Variants in TRIM37 observed in about 807,000 individuals in gnomAD.
TRIM37 encodes the protein tripartite motif containing 37.
In TRIM37, 80 loss-of-function variants were observed where a neutral mutation model predicts 129.8. That is an observed-to-expected ratio of 0.62 (90% CI 0.51 to 0.74). TRIM37 has a LOEUF of 0.74. Among genes scored for constraint, TRIM37 ranks in the 30% least tolerant of loss-of-function variants. The pLI is 0.00. For missense variants in TRIM37, 1,054 were observed against 1,176.5 expected (o/e 0.90, Z 1.52); for synonymous variants, 389 against 387.1 (o/e 1.00, Z -0.06).
chr17:59,009,734 C>T (rs559174396), intron 22 of TRIM37, among the ~76,000 whole-genome samples: 36 of 152,316 alleles, frequency 2.4e-4, no homozygotes, highest in African/African-American at 8.7e-4. Flanking sequence ...GCATGAGCCA[C>T]TGCGCCCGGC....
rs377599520 is a variant in TRIM37, at chr17:59,081,543, A to C, written c.370-324T>G. Among the ~76,000 whole-genome samples the C allele has an allele frequency of 6.6e-5, 10 of 152,288 alleles. No individual in the cohort carries two copies. The East Asian group carries it at 1.5e-3, about 23-fold the overall frequency. On this transcript the variant is annotated intron_variant, in intron 5 of 23. Transcript: ENST00000262294. The stretch of plus-strand genomic sequence containing the variant: ...TCAGTCAGTCACTCTTCTCTAAGGC[A>C]AACTAGTCTTCTTCCATGTCCTCAA...
chr17:58,985,110 GTTCA>G (rs1377652772), intron 24 of TRIM37: 2 of 152,580 alleles, frequency 1.3e-5, no homozygotes, highest in Non-Finnish European at 2.9e-5. Flanking sequence ...TATTAAAAGT[GTTCA>G]TTCAGGTAAG....
chr17:59,070,318 T>G (rs1208814180), intron 9 of TRIM37, among the ~76,000 whole-genome samples: 1 of 152,230 alleles, frequency 6.6e-6, no homozygotes, highest in African/African-American at 2.4e-5. Context: ...CACCTTCAAA[T>G]TCTTTTGGCA....
Position 58,998,636 on chromosome 17 carries a change from T to A in TRIM37, c.*741A>T. 7.1e-6 allele frequency: 7 copies of A among 985,312 alleles called. No homozygotes were observed. Among genetic ancestry groups the A allele is most frequent in the Non-Finnish European group, 8.4e-6 (7 of 829,860 alleles). 61.0% of individuals were successfully genotyped at this position (985,312 alleles called of 1,614,324 possible). ...CTTTAAAATATTTGTTGCACTACAG[T>A]CGTATAGTAAGAGGCAGAAAAAAAT... On this transcript the variant is annotated 3_prime_UTR_variant, in exon 24 of 24. Coordinates refer to ENST00000262294, the MANE Select transcript of TRIM37 (RefSeq NM_015294.6).
rs2033344506 is a variant in TRIM37, at chr17:58,999,147, T to C, written c.*230A>G. The C allele has an allele frequency of 7.4e-7, 1 of 1,360,322 alleles. No individual in the cohort carries two copies. The highest frequency in any genetic ancestry group is 3.0e-5 in the East Asian group (1 of 33,442). 84.3% of individuals were successfully genotyped at this position (1,360,322 alleles called of 1,614,324 possible). A position where few individuals can be genotyped will look rare whatever the true frequency, so the allele number is the denominator to read the frequency against. On this transcript the variant is annotated 3_prime_UTR_variant, in exon 24 of 24. Coordinates refer to ENST00000262294, the MANE Select transcript of TRIM37 (RefSeq NM_015294.6). ...GCTAAATTAATAGAGAACTACATTG[T>C]TATTTCCTTACATTACAAAGAACTC...
In TRIM37 at chr17:59,012,345, G is replaced by A. The variant is rs1156783831; in HGVS notation, c.2678C>T (p.Ser893Leu). 1.1e-5 allele frequency: 17 copies of A among 1,611,412 alleles called. No individual in the cohort carries two copies. Among genetic ancestry groups the A allele is most frequent in the Admixed American group, 1.7e-5 (1 of 59,942 alleles). The change falls in exon 22 of 24, where the codon TCA becomes TTA. Residue 893 changes from serine (S) to leucine (L), a missense_variant. Physicochemically the swap from Ser to Leu is moderately radical, Grantham distance 145. Around this residue, in one of 3 missense-constraint regions of TRIM37, gnomAD observed 287 missense variants for 274.3 expected, o/e 1.05. Transcript: ENST00000262294. ...TTCCTTACCTTCTTCAGGGGCAGCTGAAGCTCCTTCAGGTAGTACAGGCTG... is the reference window on the plus strand; with the variant it reads ...TTCCTTACCTTCTTCAGGGGCAGCTAAAGCTCCTTCAGGTAGTACAGGCTG... ...ELQPVLPEGA[S>L]AAPEEGMSSD...
At position 59,041,837 on chromosome 17, in the gene TRIM37, C is replaced by T. The variant is rs773914684; in HGVS notation, c.1729G>A (p.Asp577Asn). The T allele has an allele frequency of 3.2e-5, 52 of 1,613,806 alleles. No homozygotes were observed. Among genetic ancestry groups the T allele is most frequent in the Non-Finnish European group, 4.4e-5 (52 of 1,179,886 alleles). The change falls in exon 17 of 24, where the codon GAT becomes AAT. Residue 577 changes from aspartate (D) to asparagine (N), a missense_variant. Physicochemically the swap from Asp to Asn is conservative, Grantham distance 23. Around this residue, in one of 3 missense-constraint regions of TRIM37, gnomAD observed 752 missense variants for 870.8 expected, o/e 0.86. Transcript: ENST00000262294. Reference protein sequence around the residue: ...MELEEGELMEDAAAAGPAGSS... With the variant: ...MELEEGELMENAAAAGPAGSS... ...CCTGCGGGTCCTGCAGCAGCTGCAT[C>T]TTCCATGAGTTCTCCCTCTTCTAAT...
chr17:59,046,930 G>A (rs1490935877), intron 16 of TRIM37, among the ~76,000 whole-genome samples: 1 of 150,460 alleles, frequency 6.6e-6, no homozygotes, highest in Non-Finnish European at 1.5e-5. Context: ...CGAGGTGGAC[G>A]GATCATGAGG....
chr17:58,991,175 CAAAAAA>C (rs71145510), intron 24 of TRIM37, among the ~76,000 whole-genome samples: 3 of 83,668 alleles, frequency 3.6e-5, no homozygotes, highest in South Asian at 4.0e-4. Context: ...AACTCTGTCT[CAAAAAA>C]AAAAAAAAAA....
At chr17:59,053,347 CAA>C (rs1336390656) in intron 13 of TRIM37, among the ~76,000 whole-genome samples, 1 of 152,120 alleles carries the variant, frequency 6.6e-6, no homozygotes, top group Non-Finnish European at 1.5e-5. Flanking sequence ...AAAGTTTGAG[CAA>C]TGTCTCATTA....
intron 2 of TRIM37, among the ~76,000 whole-genome samples, chr17:59,095,253 G>A (rs759022897): frequency 1.3e-5 from 2 of 152,004 alleles, no homozygotes; most frequent in African/African-American, 2.4e-5. Context: ...AAGTTACTAG[G>A]AAGATGGTAT....
At chr17:58,997,951 G>A (rs55905437), downstream of TRIM37, among the ~76,000 whole-genome samples, 232 of 152,302 alleles carry the variant, frequency 1.5e-3, no homozygotes, top group African/African-American at 5.4e-3. Context: ...GCTTGGAAAC[G>A]AGGGGGAAAC....
chr17:59,075,277 G>A (rs867167011), intron 8 of TRIM37, among the ~76,000 whole-genome samples: 5 of 151,634 alleles, frequency 3.3e-5, no homozygotes, highest in African/African-American at 1.2e-4. Context: ...ATAATATACA[G>A]AGAAGGCCGG....
chr17:59,099,142 G>A (rs751698214), intron 2 of TRIM37, among the ~76,000 whole-genome samples: 4 of 151,946 alleles, frequency 2.6e-5, no homozygotes, highest in Middle Eastern at 3.2e-3. Flanking sequence ...GAGATCGCAC[G>A]ATTGCACTCC....
chr17:59,078,759 A>G (rs187209085), intron 7 of TRIM37, among the ~76,000 whole-genome samples: 8 of 152,314 alleles, frequency 5.3e-5, no homozygotes, highest in Non-Finnish European at 1.2e-4. Flanking sequence ...ATCAATACCT[A>G]CAGGTTTTGT....
chr17:59,064,118 A>AC (rs2041733523), intron 10 of TRIM37: 1 of 460,272 alleles, frequency 2.2e-6, no homozygotes, highest in Non-Finnish European at 3.9e-6. Context: ...ACAGAGCAAA[A>AC]CCCAGTCTCA....
intron 12 of TRIM37, among the ~76,000 whole-genome samples, chr17:59,058,299 G>A (rs762455208): frequency 2.0e-5 from 3 of 152,162 alleles, no homozygotes; most frequent in Admixed American, 6.5e-5. Flanking sequence ...CAAATACCAC[G>A]TGTTCTCACT....
chr17:59,015,588 T>A (rs2035822548), intron 21 of TRIM37, 22 bp downstream of exon 21: 1 of 1,612,062 alleles, frequency 6.2e-7, no homozygotes, highest in Admixed American at 1.7e-5. Context: ...TACCATTACA[T>A]ATACAAAACA....
chr17:58,999,860 A>T (rs776560791), intron 23 of TRIM37, among the ~76,000 whole-genome samples: 1 of 152,304 alleles, frequency 6.6e-6, no homozygotes, highest in East Asian at 1.9e-4. Context: ...CACTACAAAA[A>T]CCCACCAGCA....
Sources: allele counts gnomAD v4.1 joint callset (sites outside exome capture counted in the v4.1 genomes callset), GRCh38; gene constraint gnomAD v4.1.1; regional missense constraint gnomAD v4.1.1; transcripts MANE v1.5; gene names NCBI Gene and HGNC (gene_info 2026-07-23, HGNC 2026-07-21).